Variants in PDZD4 observed in about 807,000 individuals in gnomAD.
PDZD4 encodes the protein PDZ domain-containing protein 4.
Under a neutral mutation model 38.5 loss-of-function variants are expected in PDZD4, and 9 were observed. The observed-to-expected ratio is 0.23, with a 90% CI of 0.14 to 0.41. PDZD4 has a LOEUF of 0.41. PDZD4 is among the 10% of genes least tolerant of loss of function. The pLI is 1.00. For synonymous variants in PDZD4, 349 were observed against 315.7 expected, an observed-to-expected ratio of 1.11 and a Z score of -1.12; for missense variants, 612 against 722.0, an observed-to-expected ratio of 0.85 and a Z score of 1.75.
chrX:153,812,467 G>A (rs945342025), intron 1 of PDZD4, among the ~76,000 whole-genome samples: 7 of 110,615 alleles, frequency 6.3e-5, no homozygotes, highest in South Asian at 3.9e-4. Context: ...CTTGCTGGGC[G>A]GGCTGGCGGA....
chrX:153,805,403 ACT>A, intron 6 of PDZD4, 100 bp downstream of exon 6: 1 of 584,342 alleles, frequency 1.7e-6, no homozygotes, highest in Non-Finnish European at 2.8e-6. Flanking sequence ...CCCTCCATCA[ACT>A]CCAGGTCGTT....
At chrX:153,826,712 A>C (rs2064485923) in intron 1 of PDZD4, among the ~76,000 whole-genome samples, 2 of 112,201 alleles carry the variant, frequency 1.8e-5, no homozygotes, top group African/African-American at 6.5e-5. Flanking sequence ...ACGCTCAGCC[A>C]ATCAATTGTA....
intron 1 of PDZD4, among the ~76,000 whole-genome samples, chrX:153,828,005 T>C (rs2064499438): frequency 9.0e-6 from 1 of 111,484 alleles, no homozygotes; most frequent in African/African-American, 3.3e-5. Flanking sequence ...CAGATGCACA[T>C]GTGCTTCTTT....
intron 1 of PDZD4, among the ~76,000 whole-genome samples, chrX:153,822,557 G>C (rs1295829245): frequency 5.4e-5 from 6 of 111,274 alleles, no homozygotes; most frequent in African/African-American, 2.0e-4. Context: ...CGCCTCCTCC[G>C]GCCCAACTCC....
At chrX:153,830,105 G>T (rs1248991680) in intron 1 of PDZD4, 134 bp downstream of exon 1, 3 of 605,947 alleles carry the variant, frequency 5.0e-6, no homozygotes, top group Non-Finnish European at 7.0e-6. Flanking sequence ...CCCAGGATGG[G>T]AGGGTGCGGA....
chrX:153,822,511 G>A (rs1283906795), intron 1 of PDZD4, among the ~76,000 whole-genome samples: 1 of 111,892 alleles, frequency 8.9e-6, no homozygotes, highest in Non-Finnish European at 1.9e-5. Flanking sequence ...GCACTGAAAG[G>A]GAGGACATCT....
rs376412452 is a variant in PDZD4 at position 153,830,313 on chromosome X, A to G, written c.-15T>C. 8.4e-6 allele frequency: 10 copies of G among 1,194,518 alleles called. No individual in the cohort carries two copies. The East Asian group carries it at 1.5e-4, about 18-fold the overall frequency. ...TTACATCCCATGTTGCTGGCCGGCG[A>G]GAGGAGGCGGAGGGCGGGAACGGGA... On this transcript the variant is annotated 5_prime_UTR_variant, in exon 1 of 8. Transcript: ENST00000393758.
chrX:153,808,949 T>C (rs1474541418), intron 1 of PDZD4, among the ~76,000 whole-genome samples: 2 of 112,956 alleles, frequency 1.8e-5, no homozygotes. Context: ...CACTTCTTTC[T>C]AGGGCGGCAC....
rs782258050 is a variant in PDZD4 at position 153,805,591 on chromosome X, C to T, written c.583G>A (p.Val195Ile). Residue 195 changes from valine (V) to isoleucine (I), a missense_variant, in exon 6 of 8, where the codon GTC (valine) becomes ATC (isoleucine). Coordinates refer to ENST00000393758, the MANE Select transcript of PDZD4 (RefSeq NM_001303512.2). ...GCCACCGCCTCTTCCCGGTTCTGGA[C>T]GTCTACACCGTTAATCTGAGGCAGG... The part of the protein sequence containing the change: ...DRIIQINGVD[V>I]QNREEAVAIL... The T allele has an allele frequency of 5.8e-6, 7 of 1,204,879 alleles. No individual in the cohort carries two copies. The highest frequency in any genetic ancestry group is 1.8e-5 in the South Asian group (1 of 56,810).
intron 7 of PDZD4, 33 bp downstream of exon 7, chrX:153,805,064 G>A (rs2092207295): frequency 8.5e-6 from 10 of 1,179,844 alleles, no homozygotes; most frequent in South Asian, 1.8e-5. Flanking sequence ...TCTCCTCCTC[G>A]CCCTCCCCAC....
In PDZD4 at chrX:153,803,858, C is replaced by T. The variant is rs1557075551; in HGVS notation, c.1823G>A (p.Ser608Asn). Residue 608 changes from serine to asparagine, a missense_variant, in exon 8 of 8, where the codon AGC becomes AAC. Ser to Asn is a conservative substitution (Grantham distance 46, BLOSUM62 1). Around this residue, in one of 3 missense-constraint regions of PDZD4, gnomAD observed 300 missense variants for 284.6 expected, o/e 1.05. Transcript: ENST00000393758. ...GLEELGHGPL[S>N]LAGGPRVGGV... ...GCCCACCCGAGGGCCACCGGCCAAG[C>T]TCAGGGGGCCGTGGCCCAGCTCCTC... The T allele has an allele frequency of 1.7e-6, 2 of 1,187,834 alleles. No individual in the cohort carries two copies. The highest frequency in any genetic ancestry group is 3.5e-5 in the African/African-American group (2 of 57,328).
At chrX:153,830,002 G>A in intron 1 of PDZD4, 1 of 727,350 alleles carries the variant, frequency 1.4e-6, no homozygotes. Flanking sequence ...GCCGCACCGC[G>A]CCTCCCGGGA....
At chrX:153,825,566 A>G (rs2064472401) in intron 1 of PDZD4, among the ~76,000 whole-genome samples, 1 of 112,054 alleles carries the variant, frequency 8.9e-6, no homozygotes, top group South Asian at 3.7e-4. Flanking sequence ...GATTTTCCAA[A>G]CTAGGAGGAC....
At chrX:153,829,606 C>T in intron 1 of PDZD4, 1 of 532,306 alleles carries the variant, frequency 1.9e-6, no homozygotes, top group Non-Finnish European at 2.3e-6. Context: ...GGCTCCAGGT[C>T]CGAGCTCCGG....
Position 153,803,379 on chromosome X carries a change from G to A in PDZD4, c.2302C>T (p.Pro768Ser). The A allele has an allele frequency of 8.8e-7, 1 of 1,138,303 alleles. No homozygotes were observed. Among genetic ancestry groups the A allele is most frequent in the Non-Finnish European group, 1.2e-6 (1 of 862,496 alleles). 93.8% of individuals were successfully genotyped at this position (1,138,303 alleles called of 1,213,427 possible). A position where few individuals can be genotyped will look rare whatever the true frequency, so the allele number is the denominator to read the frequency against. Residue 768 changes from proline (P) to serine (S), a missense_variant, in exon 8 of 8, where the codon CCT (proline) becomes TCT (serine). Pro to Ser is a moderately conservative substitution (Grantham distance 74, BLOSUM62 -1). Coordinates refer to ENST00000393758, the MANE Select transcript of PDZD4 (RefSeq NM_001303512.2). Reference sequence around the variant, plus strand: ...CACACGGTGGTGACTGAGAGAAGAGGGTTGTAGACCCGCTTGCCATCGGCG... The same window carrying A: ...CACACGGTGGTGACTGAGAGAAGAGAGTTGTAGACCCGCTTGCCATCGGCG... Reference protein sequence around the residue: ...RSADGKRVYNPLLSVTTV With the variant: ...RSADGKRVYNSLLSVTTV
intron 1 of PDZD4, among the ~76,000 whole-genome samples, chrX:153,820,192 C>A (rs2148472655): frequency 9.2e-6 from 1 of 108,733 alleles, no homozygotes; most frequent in African/African-American, 3.4e-5. Flanking sequence ...ACTAAAAATA[C>A]AAAAATTAGC....
intron 1 of PDZD4, among the ~76,000 whole-genome samples, chrX:153,810,783 C>T (rs1307049185): frequency 8.9e-6 from 1 of 112,159 alleles, no homozygotes; most frequent in South Asian, 3.7e-4. Flanking sequence ...CCCAGCTTGT[C>T]CTCGGAACCC....
chrX:153,803,270 C>A lies in PDZD4; in HGVS notation c.*83G>T, dbSNP rs1170958759. 2.1e-5 allele frequency: 17 copies of A among 817,157 alleles called. No homozygotes were observed. The highest frequency in any genetic ancestry group is 2.3e-5 in the Non-Finnish European group (14 of 609,243). 67.3% of individuals were successfully genotyped at this position (817,157 alleles called of 1,213,427 possible). On this transcript the variant is annotated 3_prime_UTR_variant, in exon 8 of 8. Transcript: ENST00000393758. ...GCGAGCACGCGCGCGCGCACACACA[C>A]ACACACACAATCTCTATAGGAGAGT...
chrX:153,819,409 T>TTGTC (rs2064398130), intron 1 of PDZD4, among the ~76,000 whole-genome samples: 1 of 112,518 alleles, frequency 8.9e-6, no homozygotes, highest in African/African-American at 3.2e-5. Context: ...TCCCAAGTGC[T>TTGTC]TGTCACACGG....
Sources: allele counts gnomAD v4.1 joint callset (sites outside exome capture counted in the v4.1 genomes callset), GRCh38; gene constraint gnomAD v4.1.1; regional missense constraint gnomAD v4.1.1; transcripts MANE v1.5; gene names NCBI Gene and HGNC (gene_info 2026-07-23, HGNC 2026-07-21).